PDGFD: variants seen among roughly 807,000 people sequenced by gnomAD.
PDGFD encodes platelet-derived growth factor D.
PDGFD carries 30 observed loss-of-function variants against 44.7 expected under a neutral mutation model. The ratio of observed to expected loss-of-function variants is 0.67; its 90% CI spans 0.50 to 0.91. The LOEUF (loss-of-function observed/expected upper bound fraction) is 0.91. Ranked by LOEUF, PDGFD falls within the 40% of genes least tolerant of loss-of-function variation. The pLI is 0.00. For missense variants in PDGFD, 445 were observed against 457.8 expected (o/e 0.97, Z 0.25); for synonymous variants, 173 against 168.4 (o/e 1.03, Z -0.21).
At chr11:104,010,327 T>C (rs1467952491) in intron 1 of PDGFD, among the ~76,000 whole-genome samples, 1 of 152,046 alleles carries the variant, frequency 6.6e-6, no homozygotes, top group Non-Finnish European at 1.5e-5. Context: ...AAATTATTCT[T>C]CTTCAAGAAT....
At chr11:104,097,407 C>A (rs1356449517) in intron 1 of PDGFD, among the ~76,000 whole-genome samples, 1 of 152,128 alleles carries the variant, frequency 6.6e-6, no homozygotes, top group Non-Finnish European at 1.5e-5. Flanking sequence ...TTCATACTAA[C>A]TAGAAACTGA....
In PDGFD at chr11:103,949,935, G is replaced by A. The variant is rs1042265212; in HGVS notation, c.511-2211C>T. Among the ~76,000 whole-genome samples, 6 of 152,102 alleles carry A rather than the reference G, an allele frequency of 3.9e-5. No homozygotes were observed. The South Asian group carries it at 1.2e-3, about 31-fold the overall frequency. The stretch of plus-strand genomic sequence containing the variant: ...AAAGGGAAAGCAATGCTTAGACAAG[G>A]TGAGGAAAGTATACAGAAAAATAAA... On this transcript the variant is annotated intron_variant, in intron 3 of 6. Coordinates refer to ENST00000393158, the MANE Select transcript of PDGFD (RefSeq NM_025208.5).
chr11:103,974,234 C>T (rs758354430), intron 3 of PDGFD, among the ~76,000 whole-genome samples: 52 of 152,052 alleles, frequency 3.4e-4, no homozygotes, highest in Non-Finnish European at 5.3e-4. Context: ...AGAGACAATG[C>T]CTATACCTTC....
intron 1 of PDGFD, among the ~76,000 whole-genome samples, chr11:104,035,561 CTTTTTTTTTT>C (rs3050598): frequency 6.9e-5 from 8 of 115,274 alleles, no homozygotes; most frequent in South Asian, 3.0e-4. Flanking sequence ...ACTTCTTTTT[CTTTTTTTTTT>C]TTTTTTTTTT....
intron 3 of PDGFD, among the ~76,000 whole-genome samples, chr11:103,949,165 G>A (rs1858708688): frequency 6.6e-6 from 1 of 151,924 alleles, no homozygotes; most frequent in Admixed American, 6.6e-5. Flanking sequence ...ACCACACCCA[G>A]CTAATTTTTG....
rs573897410 is a variant in PDGFD at position 104,112,236 on chromosome 11, G to T, written c.124+51568C>A. 3.1e-4 allele frequency among the ~76,000 whole-genome samples: 47 copies of T among 149,248 alleles called. 2 individuals carry two copies. The South Asian group carries it at 9.5e-3, about 30-fold the overall frequency. On this transcript the variant is annotated intron_variant, in intron 1 of 6. Transcript: ENST00000393158. ...TAATAATAGCCATTCTGATTGGTGT[G>T]GGATGGTATTTCATTGTGGTTTTGA...
intron 1 of PDGFD, among the ~76,000 whole-genome samples, chr11:104,064,709 C>T (rs1860763235): frequency 6.6e-6 from 1 of 152,160 alleles, no homozygotes; most frequent in African/African-American, 2.4e-5. Context: ...GGAACAATGG[C>T]TATGTTTTGG....
At position 103,983,993 on chromosome 11, in the gene PDGFD, T is replaced by G. The variant is rs534670404; in HGVS notation, c.510+12072A>C. On this transcript the variant is annotated intron_variant, in intron 3 of 6. Coordinates refer to ENST00000393158, the MANE Select transcript of PDGFD (RefSeq NM_025208.5). ...AGTTCAGCCATGGCAGAAGACAGTG[T>G]GGTGACTCCTCAATGGCCTAAAGAC... 5.9e-4 allele frequency among the ~76,000 whole-genome samples: 89 copies of G among 151,790 alleles called. 1 individual carries two copies. The highest frequency in any genetic ancestry group is 2.1e-3 in the African/African-American group (86 of 41,116).
At chr11:104,019,824 A>T (rs567771782) in intron 1 of PDGFD, among the ~76,000 whole-genome samples, 1 of 152,168 alleles carries the variant, frequency 6.6e-6, no homozygotes, top group East Asian at 1.9e-4. Context: ...AACTTTTAAA[A>T]ATAAAAATGT....
Position 104,144,507 on chromosome 11 carries a change from C to CAAAAAA in PDGFD, c.124+19291_124+19296dup, listed in dbSNP as rs201864924. 2.7e-3 allele frequency among the ~76,000 whole-genome samples: 201 copies of CAAAAAA among 73,768 alleles called. 1 individual carries two copies. Among genetic ancestry groups the CAAAAAA allele is most frequent in the African/African-American group, 0.011 (172 of 15,824 alleles). 48.4% of individuals were successfully genotyped at this position (73,768 alleles called of 152,430 possible). A position where few individuals can be genotyped will look rare whatever the true frequency, so the allele number is the denominator to read the frequency against. Reference sequence around the variant, plus strand: ...GGCAATAAGAGCAAAACTCCGTCACCAAAAAAAAAAAAAAAAAAAAACCCA... The same window carrying CAAAAAA: ...GGCAATAAGAGCAAAACTCCGTCACCAAAAAAAAAAAAAAAAAAAAAAAAAAACCCA... On this transcript the variant is annotated intron_variant, in intron 1 of 6. Coordinates refer to ENST00000393158, the MANE Select transcript of PDGFD (RefSeq NM_025208.5).
intron 3 of PDGFD, among the ~76,000 whole-genome samples, chr11:103,985,078 T>TATTTATTTAATATAGAATATATTA (rs1859338694): frequency 1.1e-5 from 1 of 89,268 alleles, no homozygotes; most frequent in Non-Finnish European, 2.2e-5. Flanking sequence ...TTAATAGTTA[T>TATTTATTTAATATAGAATATATTA]ATTTATTTAA....
chr11:103,995,876 T>C (rs988478766), intron 3 of PDGFD, among the ~76,000 whole-genome samples, 189 bp downstream of exon 3: 1 of 152,196 alleles, frequency 6.6e-6, no homozygotes, highest in Non-Finnish European at 1.5e-5. Context: ...AAAGGTTGAC[T>C]TAATAGATCC....
At chr11:104,115,281 A>G (rs961323985) in intron 1 of PDGFD, among the ~76,000 whole-genome samples, 4 of 148,328 alleles carry the variant, frequency 2.7e-5, no homozygotes, top group African/African-American at 1.0e-4. Flanking sequence ...ATGTATGTAT[A>G]TACATATATA....
chr11:104,103,677 T>C (rs1282938463), intron 1 of PDGFD, among the ~76,000 whole-genome samples: 1 of 151,840 alleles, frequency 6.6e-6, no homozygotes, highest in Non-Finnish European at 1.5e-5. Context: ...CTAAAGATAC[T>C]GCAGCCATCC....
rs577030801 is a variant in PDGFD at position 104,160,738 on chromosome 11, T to G, written c.124+3066A>C. ...CAACAAATTCAACTACCCTCCTTCA[T>G]TGGGCCACATTTAGCCATTCTACAG... On this transcript the variant is annotated intron_variant, in intron 1 of 6. Transcript: ENST00000393158. Among the ~76,000 whole-genome samples the G allele has an allele frequency of 1.4e-4, 22 of 152,294 alleles. No individual in the cohort carries two copies. The East Asian group carries it at 4.1e-3, about 28-fold the overall frequency.
intron 1 of PDGFD, among the ~76,000 whole-genome samples, chr11:104,102,022 G>T (rs950052630): frequency 1.1e-4 from 16 of 152,062 alleles, no homozygotes; most frequent in Non-Finnish European, 2.1e-4. Flanking sequence ...CATGGGCAAG[G>T]ACTTCATGTC....
At position 103,914,543 on chromosome 11, in the gene PDGFD, C is replaced by G. The variant is rs1207839238; in HGVS notation, c.988-4724G>C. Among the ~76,000 whole-genome samples, 3 of 146,812 alleles carry G rather than the reference C, an allele frequency of 2.0e-5. No individual in the cohort carries two copies. In the East Asian group the frequency reaches 6.0e-4, roughly 30 times the overall value. On this transcript the variant is annotated intron_variant, in intron 6 of 6. Coordinates refer to ENST00000393158, the MANE Select transcript of PDGFD (RefSeq NM_025208.5). ...GTACAAAGAGAAGCTGGTACTATTCCTTCTGAAACTATTCCAAAAAATAGA... is the reference window on the plus strand; with the variant it reads ...GTACAAAGAGAAGCTGGTACTATTCGTTCTGAAACTATTCCAAAAAATAGA...
At chr11:104,065,959 G>T (rs947937435) in intron 1 of PDGFD, among the ~76,000 whole-genome samples, 1 of 152,158 alleles carries the variant, frequency 6.6e-6, no homozygotes, top group Non-Finnish European at 1.5e-5. Context: ...TACCTGGATG[G>T]TTCCAATCAT....
At chr11:104,135,394 G>T (rs951473434) in intron 1 of PDGFD, among the ~76,000 whole-genome samples, 23 of 152,190 alleles carry the variant, frequency 1.5e-4, no homozygotes, top group Non-Finnish European at 2.8e-4. Flanking sequence ...CTGTTTGTGT[G>T]GCAGGGAGAA....
Sources: gnomAD v4.1 joint callset for allele counts (sites outside exome capture counted in the v4.1 genomes callset) on GRCh38, gnomAD v4.1.1 for gene constraint, MANE v1.5 for transcripts, NCBI Gene and HGNC (gene_info 2026-07-23, HGNC 2026-07-21) for gene names.